The following TRMT9B variants were observed in gnomAD, a reference collection of about 807,000 sequenced individuals.
TRMT9B encodes probable tRNA methyltransferase 9B.
Under a neutral mutation model 11.5 loss-of-function variants are expected in TRMT9B, and 16 were observed. That is an observed-to-expected ratio of 1.39 (90% confidence interval 0.94 to 2.11). The LOEUF (loss-of-function observed/expected upper bound fraction) is 2.11, where lower values mean the gene tolerates loss of function less well. Among genes scored for constraint, TRMT9B ranks in the 30% most tolerant of loss-of-function variants. The pLI is 0.00. For missense variants in TRMT9B, 941 were observed against 553.8 expected, an observed-to-expected ratio of 1.70 and a Z score of -7.02; for synonymous variants, 274 against 192.4, an observed-to-expected ratio of 1.42 and a Z score of -3.51.
At chr8:12,983,195 C>A (rs761585051) in intron 1 of TRMT9B, among the ~76,000 whole-genome samples, 1 of 152,316 alleles carries the variant, frequency 6.6e-6, no homozygotes, top group Middle Eastern at 3.4e-3. Context: ...ATTGTCAACA[C>A]TGCAGAAAAA....
chr8:12,992,812 T>C (rs896593624), intron 2 of TRMT9B, among the ~76,000 whole-genome samples: 1 of 152,076 alleles, frequency 6.6e-6, no homozygotes, highest in Admixed American at 6.6e-5. Context: ...GAGGTTGCAG[T>C]GAGCAGAGAT....
intron 1 of TRMT9B, among the ~76,000 whole-genome samples, chr8:12,980,956 G>T (rs2954175): frequency 0.034 from 5,194 of 152,248 alleles, 108 homozygotes; most frequent in African/African-American, 0.054. Context: ...GTGTTTCTTT[G>T]ATCACTGCAA....
intron 4 of TRMT9B, among the ~76,000 whole-genome samples, chr8:13,013,812 T>C (rs750898873): frequency 6.6e-6 from 1 of 152,042 alleles, no homozygotes; most frequent in Admixed American, 6.6e-5. Context: ...TAGCCGGGCA[T>C]GGTACAAGCG....
Position 13,022,291 on chromosome 8 carries a change from A to C in TRMT9B, c.*247A>C. The C allele has an allele frequency of 2.5e-6, 1 of 398,450 alleles. No individual in the cohort carries two copies. The highest frequency in any genetic ancestry group is 4.6e-6 in the Non-Finnish European group (1 of 216,848). The allele number at this position is 398,450 out of a possible 1,614,324, so 24.7% of individuals were successfully genotyped here. ...TACAAGATCTGAAGAAGCAACAGAA[A>C]GTACCCTTCAGTACACCTCAGACTT... On this transcript the variant is annotated 3_prime_UTR_variant, in exon 5 of 5. Coordinates refer to ENST00000524591, the MANE Select transcript of TRMT9B (RefSeq NM_020844.3).
intron 1 of TRMT9B, among the ~76,000 whole-genome samples, chr8:12,972,091 C>G (rs1464340167): frequency 6.6e-6 from 1 of 152,094 alleles, no homozygotes; most frequent in East Asian, 1.9e-4. Context: ...GTTATGTTAA[C>G]AGAGAAAATT....
At chr8:13,010,482 A>G (rs1365639595) in intron 3 of TRMT9B, 2 of 984,668 alleles carry the variant, frequency 2.0e-6, no homozygotes, top group Non-Finnish European at 2.4e-6. Flanking sequence ...TGAATAGACA[A>G]TAGTTTGGAT....
intron 2 of TRMT9B, among the ~76,000 whole-genome samples, chr8:12,995,851 G>A (rs546995478): frequency 6.6e-6 from 1 of 152,106 alleles, no homozygotes; most frequent in Non-Finnish European, 1.5e-5. Context: ...AAAAAGCTCA[G>A]CAGATTTTTC....
intron 1 of TRMT9B, chr8:12,969,887 A>G (rs1365842539): frequency 7.7e-6 from 1 of 129,694 alleles, no homozygotes; most frequent in African/African-American, 2.9e-5. Flanking sequence ...TGGTCTTGCT[A>G]TGTGGCCCAG....
At chr8:12,952,766 GTCTC>G (rs1286660697) in intron 1 of TRMT9B, 1 of 799,628 alleles carries the variant, frequency 1.3e-6, no homozygotes, top group Non-Finnish European at 1.5e-6. Flanking sequence ...GTTTGACGGA[GTCTC>G]TCTCTGTCAC....
chr8:12,990,300 T>A (rs1204595395), intron 1 of TRMT9B, among the ~76,000 whole-genome samples: 1 of 152,202 alleles, frequency 6.6e-6, no homozygotes, highest in African/African-American at 2.4e-5. Context: ...AAGACCTCTA[T>A]ATTACAAAGT....
At chr8:12,997,273 C>T (rs771701027) in intron 2 of TRMT9B, among the ~76,000 whole-genome samples, 24 of 144,422 alleles carry the variant, frequency 1.7e-4, no homozygotes, top group Non-Finnish European at 2.8e-4. Flanking sequence ...TGACTTCTTG[C>T]TCTATCAGTT....
intron 1 of TRMT9B, among the ~76,000 whole-genome samples, chr8:12,976,639 G>T (rs758591737): frequency 3.3e-5 from 5 of 152,084 alleles, no homozygotes; most frequent in African/African-American, 4.8e-5. Context: ...TCTGTAAAAA[G>T]TGGCATATTC....
chr8:12,994,215 A>T (rs1434816172), intron 2 of TRMT9B, among the ~76,000 whole-genome samples: 3 of 152,312 alleles, frequency 2.0e-5, no homozygotes, highest in Non-Finnish European at 1.5e-5. Context: ...TAGTGGTCAT[A>T]TGTGTGTGCA....
At chr8:12,979,495 A>T (rs1422807697) in intron 1 of TRMT9B, among the ~76,000 whole-genome samples, 1 of 152,122 alleles carries the variant, frequency 6.6e-6, no homozygotes, top group Non-Finnish European at 1.5e-5. Flanking sequence ...AAAAATAAAA[A>T]AATAAAGGTT....
chr8:13,000,002 T>C (rs543413601), intron 2 of TRMT9B, among the ~76,000 whole-genome samples: 26 of 152,316 alleles, frequency 1.7e-4, no homozygotes, highest in African/African-American at 6.3e-4. Flanking sequence ...ACTTTTCACT[T>C]TTTCATGATC....
intron 1 of TRMT9B, among the ~76,000 whole-genome samples, chr8:12,968,603 G>A (rs549124435): frequency 1.3e-5 from 2 of 152,176 alleles, no homozygotes; most frequent in Non-Finnish European, 2.9e-5. Flanking sequence ...TGAGCTGTGA[G>A]CCGATAGCCA....
In TRMT9B at chr8:13,022,995, A is replaced by ATAC. The variant is rs1490901320; in HGVS notation, c.*953_*954insCTA. The ATAC allele has an allele frequency of 6.0e-6, 1 of 166,710 alleles. No individual in the cohort carries two copies. The highest frequency in any genetic ancestry group is 1.5e-5 in the Non-Finnish European group (1 of 68,116). The allele number at this position is 166,710 out of a possible 1,614,324, so 10.3% of individuals were successfully genotyped here. A position where few individuals can be genotyped will look rare whatever the true frequency, so the allele number is the denominator to read the frequency against. On this transcript the variant is annotated 3_prime_UTR_variant, in exon 5 of 5. Transcript: ENST00000524591. ...AAGACTCTGTCTCAAAATAATAATAATAATAATAATAAAGGCGTTGTTAGC... is the reference window on the plus strand; with the variant it reads ...AAGACTCTGTCTCAAAATAATAATAATACTAATAATAATAAAGGCGTTGTTAGC...
At chr8:12,992,125 G>A (rs879072182) in intron 2 of TRMT9B, among the ~76,000 whole-genome samples, 3 of 152,278 alleles carry the variant, frequency 2.0e-5, no homozygotes, top group African/African-American at 7.2e-5. Context: ...CTAAGAAACA[G>A]CTCCTTGATT....
chr8:12,975,247 G>A (rs751321498), intron 1 of TRMT9B, among the ~76,000 whole-genome samples: 2 of 152,030 alleles, frequency 1.3e-5, no homozygotes, highest in Non-Finnish European at 2.9e-5. Context: ...AAATAGATTA[G>A]TAGATTTGCT....
Sources: gnomAD v4.1 joint callset for allele counts (sites outside exome capture counted in the v4.1 genomes callset) on GRCh38, gnomAD v4.1.1 for gene constraint, MANE v1.5 for transcripts, NCBI Gene and HGNC (gene_info 2026-07-23, HGNC 2026-07-21) for gene names.